CARD14: variants seen among roughly 807,000 people sequenced by gnomAD.
CARD14 encodes the protein caspase recruitment domain family member 14, also known as caspase recruitment domain-containing protein 14.
A neutral mutation model predicts 111.5 loss-of-function variants in CARD14; 107 were observed. The ratio of observed to expected loss-of-function variants is 0.96; its 90% confidence interval spans 0.82 to 1.13. CARD14 has a LOEUF of 1.13. Among genes scored for constraint, CARD14 ranks in the 50% most tolerant of loss-of-function variants. The probability of loss-of-function intolerance (pLI) is 0.00; values close to 1 mark genes in which losing one functional copy is unlikely to be tolerated. For missense variants in CARD14, 1,322 were observed against 1,362.3 expected (o/e 0.97, Z 0.47); for synonymous variants, 617 against 579.6 (o/e 1.06, Z -0.93).
rs1467603181 is a variant in CARD14, at chr17:80,198,133, C to A, written c.1629C>A (p.Val543=). The change falls in exon 15 of 24, where the codon GTC becomes GTA. Residue 543 remains valine (V), a synonymous_variant. Transcript: ENST00000648509. This position sits in a 1 kb window ranked among gnomAD's most constrained non-coding sequence, Gnocchi z 7.5. ...AGCTGGAAAGCAGCCTGCAGCCAGT[C>A]TCCCCTGGAAGGCTTGATGTCTCGG... ...LPQLESSLQP[V]SPGRLDVSES... 6.2e-7 allele frequency: 1 copy of A among 1,613,836 alleles called. No individual in the cohort carries two copies. The highest frequency in any genetic ancestry group is 8.5e-7 in the Non-Finnish European group (1 of 1,180,004).
Position 80,201,766 on chromosome 17 carries a change from C to T in CARD14, c.1874C>T (p.Pro625Leu). Residue 625 changes from proline (P) to leucine (L), a missense_variant, in exon 17 of 24, where the codon CCC becomes CTC. Transcript: ENST00000648509. This position sits in a 1 kb window ranked among gnomAD's most constrained non-coding sequence, Gnocchi z 5.0. The stretch of plus-strand genomic sequence containing the variant: ...CAGGTTGATTACGAAGCCTCAGAGC[C>T]CTTGTTCAAGGCAGTCCTGGAGGAC... ...IVMVDYEASE[P>L]LFKAVLEDTT... 6.2e-7 allele frequency: 1 copy of T among 1,614,058 alleles called. No individual in the cohort carries two copies. Among genetic ancestry groups the T allele is most frequent in the East Asian group, 2.2e-5 (1 of 44,872 alleles).
Position 80,189,770 on chromosome 17 carries a change from G to T in CARD14, c.861G>T (p.Leu287=). Residue 287 remains leucine, a synonymous_variant, in exon 9 of 24, where the codon CTG becomes CTT. Transcript: ENST00000648509. The surrounding 1 kb of genome is among the most constrained non-coding windows in gnomAD (Gnocchi z 4.7). Reference sequence around the variant, plus strand: ...TGCCCCAGGCGGAGAAGGACATTCTGGAGCAGAGCCTGGACGAGGCGCGGG... The same window carrying T: ...TGCCCCAGGCGGAGAAGGACATTCTTGAGCAGAGCCTGGACGAGGCGCGGG... ...LTFSLAEKDI[L]EQSLDEARGS... 6.3e-7 allele frequency: 1 copy of T among 1,584,280 alleles called. No individual in the cohort carries two copies.
At position 80,182,930 on chromosome 17, in the gene CARD14, CTCTGAGGG is replaced by C; in HGVS notation, c.349+142_349+149del. On this transcript the variant is annotated intron_variant, in intron 6 of 23. Transcript: ENST00000648509. This position sits in a 1 kb window ranked among gnomAD's most constrained non-coding sequence, Gnocchi z 4.7. ...TGCAGTTCCTGTCCCAGCCCCAGCACTCTGAGGGTGAGGAACCCCCTCACTGTATTGGG... is the reference window on the plus strand; with the variant it reads ...TGCAGTTCCTGTCCCAGCCCCAGCACTGAGGAACCCCCTCACTGTATTGGG... 9.7e-7 allele frequency: 1 copy of C among 1,028,516 alleles called. No individual in the cohort carries two copies. The highest frequency in any genetic ancestry group is 2.5e-5 in the East Asian group (1 of 40,316). 63.7% of individuals were successfully genotyped at this position (1,028,516 alleles called of 1,614,324 possible). A position where few individuals can be genotyped will look rare whatever the true frequency, so the allele number is the denominator to read the frequency against.
chr17:80,202,883 T>G, intron 18 of CARD14: 1 of 168,138 alleles, frequency 5.9e-6, no homozygotes, highest in Non-Finnish European at 1.3e-5. Context: ...AAAGCCCCAC[T>G]TGCAGGGAAG....
At chr17:80,174,745 A>C (rs1159826932) in intron 2 of CARD14, among the ~76,000 whole-genome samples, 1 of 152,076 alleles carries the variant, frequency 6.6e-6, no homozygotes, top group Non-Finnish European at 1.5e-5. Context: ...CTGGCTCAGT[A>C]CAGCCCCCTC....
At chr17:80,175,665 C>A (rs1209400386) in intron 2 of CARD14, among the ~76,000 whole-genome samples, 1 of 152,170 alleles carries the variant, frequency 6.6e-6, no homozygotes, top group African/African-American at 2.4e-5. Context: ...TGCCCGACAC[C>A]TCCAGGCAGA....
chr17:80,177,074 C>T (rs1374667159), intron 2 of CARD14, among the ~76,000 whole-genome samples: 1 of 152,194 alleles, frequency 6.6e-6, no homozygotes, highest in African/African-American at 2.4e-5. Flanking sequence ...GGGCCGCACC[C>T]CCATGAAGGC....
chr17:80,199,824 T>C (rs2040878414), intron 16 of CARD14, among the ~76,000 whole-genome samples: 2 of 151,558 alleles, frequency 1.3e-5, no homozygotes, highest in African/African-American at 2.4e-5. Context: ...TGCAGTGAGC[T>C]GAGATGGTGC....
chr17:80,199,232 C>T (rs1017348747), intron 16 of CARD14, among the ~76,000 whole-genome samples: 1 of 152,056 alleles, frequency 6.6e-6, no homozygotes, highest in Non-Finnish European at 1.5e-5. Context: ...GTGGCTCACG[C>T]CTGTAATCCC....
chr17:80,208,293 C>T lies in CARD14; in HGVS notation c.2963C>T (p.Ala988Val), dbSNP rs2041464783. ...GGCCTGCTCAGCTGTGTCCGCCAGGCCATCGCCGACGAGCAGAAGAAGGTG... is the reference window on the plus strand; with the variant it reads ...GGCCTGCTCAGCTGTGTCCGCCAGGTCATCGCCGACGAGCAGAAGAAGGTG... ...LDGLLSCVRQ[A>V]IADEQKKVVW... The change falls in exon 24 of 24, where the codon GCC becomes GTC. Residue 988 changes from alanine to valine, a missense_variant. By Grantham distance (64) the Ala-to-Val change is moderately conservative. Coordinates refer to ENST00000648509, the MANE Select transcript of CARD14 (RefSeq NM_001366385.1). The T allele has an allele frequency of 1.9e-6, 3 of 1,603,502 alleles. No individual in the cohort carries two copies. Among genetic ancestry groups the T allele is most frequent in the Non-Finnish European group, 1.7e-6 (2 of 1,176,392 alleles).
rs1352450410 is a variant in CARD14, at chr17:80,206,869, C to A, written c.2692-101C>A. On this transcript the variant is annotated intron_variant, in intron 22 of 23. Coordinates refer to ENST00000648509, the MANE Select transcript of CARD14 (RefSeq NM_001366385.1). ...CAGCTCTGCCCAGCTCCTGCCCTGC[C>A]CTCAGCCTGTCCGGAGGGCCCTTCT... 3 of 684,912 alleles carry A rather than the reference C, an allele frequency of 4.4e-6. No individual in the cohort carries two copies. The Admixed American group carries it at 8.7e-5, about 20-fold the overall frequency. The allele number at this position is 684,912 out of a possible 1,614,324, so 42.4% of individuals were successfully genotyped here. A position where few individuals can be genotyped will look rare whatever the true frequency, so the allele number is the denominator to read the frequency against.
At chr17:80,180,930 T>G (rs2040151528) in intron 4 of CARD14, among the ~76,000 whole-genome samples, 1 of 152,076 alleles carries the variant, frequency 6.6e-6, no homozygotes. Context: ...GCCTGACTAA[T>G]TTTTGTATTT....
Position 80,183,761 on chromosome 17 carries a change from TGCCCACATGCTCACCC to T in CARD14, c.350-120_350-105del, listed in dbSNP as rs751205108. The T allele has an allele frequency of 0.098, 53,338 of 541,662 alleles. 3,364 individuals are homozygous for T. Among genetic ancestry groups the T allele is most frequent in the South Asian group, 0.17 (6,462 of 39,098 alleles). The allele number at this position is 541,662 out of a possible 1,614,324, so 33.6% of individuals were successfully genotyped here. On this transcript the variant is annotated intron_variant, in intron 6 of 23. Transcript: ENST00000648509. ...ATGCCCACCCGCCCACATGCTCAGC[TGCCCACATGCTCACCC>T]GCCCACATGCTCACCCGCCCACATG...
chr17:80,174,698 C>T (rs79039794), intron 2 of CARD14, among the ~76,000 whole-genome samples: 2,342 of 152,210 alleles, frequency 0.015, 87 homozygotes, highest in East Asian at 0.11. Flanking sequence ...CAGTGGTTGC[C>T]CTGCGCTGAG....
chr17:80,182,784 T>C lies in CARD14; in HGVS notation c.343T>C (p.Phe115Leu). The change falls in exon 6 of 24, where the codon TTT becomes CTT. Residue 115 changes from phenylalanine to leucine, a missense_variant. Phe to Leu is a conservative substitution (Grantham distance 22, BLOSUM62 0). Coordinates refer to ENST00000648509, the MANE Select transcript of CARD14 (RefSeq NM_001366385.1). This position sits in a 1 kb window ranked among gnomAD's most constrained non-coding sequence, Gnocchi z 4.7. ...GCAGCCTGATGTTGACTTCAGTAAC[T>C]TTAGCGGTGAGAGCTCCGACTTTGA... ...GLQPDVDFSN[F>L]SGLMETSKLT... 6.2e-7 allele frequency: 1 copy of C among 1,614,144 alleles called. No homozygotes were observed. Among genetic ancestry groups the C allele is most frequent in the Non-Finnish European group, 8.5e-7 (1 of 1,179,998 alleles).
Position 80,190,538 on chromosome 17 carries a change from G to C in CARD14, c.964-236G>C, listed in dbSNP as rs112280056. ...TGAGGCACGAGAATCGCTTGAACCC[G>C]GGAAGCAGAGGTTGCAGCGAGCCGA... On this transcript the variant is annotated intron_variant, in intron 9 of 23. Transcript: ENST00000648509. Among the ~76,000 whole-genome samples, 7,365 of 151,672 alleles carry C rather than the reference G, an allele frequency of 0.049. 243 individuals carry two copies. Among genetic ancestry groups the C allele is most frequent in the East Asian group, 0.1 (525 of 5,146 alleles).
chr17:80,178,191 T>A (rs932252120), intron 2 of CARD14, among the ~76,000 whole-genome samples: 1 of 152,200 alleles, frequency 6.6e-6, no homozygotes, highest in African/African-American at 2.4e-5. Context: ...CAGAAGGGTA[T>A]GAGTGGCCTG....
At position 80,198,166 on chromosome 17, in the gene CARD14, A is replaced by G; in HGVS notation, c.1658+4A>G. 1 of 1,613,754 alleles carries G rather than the reference A, an allele frequency of 6.2e-7. No homozygotes were observed. The highest frequency in any genetic ancestry group is 8.5e-7 in the Non-Finnish European group (1 of 1,179,936). The stretch of plus-strand genomic sequence containing the variant: ...GAAGGCTTGATGTCTCGGAGAGGTA[A>G]GCAGCAGGTGGGAATCCTCCGAGGC... On this transcript the variant is annotated splice_donor_region_variant and intron_variant, in intron 15 of 23. Transcript: ENST00000648509. This position sits in a 1 kb window ranked among gnomAD's most constrained non-coding sequence, Gnocchi z 7.5.
chr17:80,198,465 G>A lies in CARD14; in HGVS notation c.1725G>A (p.Gln575=), dbSNP rs760465263. Residue 575 remains glutamine, a synonymous_variant, in exon 16 of 24, where the codon CAG becomes CAA. Transcript: ENST00000648509. The surrounding 1 kb of genome is among the most constrained non-coding windows in gnomAD (Gnocchi z 7.5). ...ILSQVTMLAF[Q]GDALLEQISV... is the part of the protein sequence containing the mutation. ...GCCAGGTCACCATGCTGGCGTTCCA[G>A]GGGGATGCATTGCTGGAGCAGATCA... 2 of 1,612,806 alleles carry A rather than the reference G, an allele frequency of 1.2e-6. No homozygotes were observed. Among genetic ancestry groups the A allele is most frequent in the Admixed American group, 1.7e-5 (1 of 60,014 alleles).
Sources: allele counts gnomAD v4.1 joint callset (sites outside exome capture counted in the v4.1 genomes callset), GRCh38; gene constraint gnomAD v4.1.1; non-coding constraint Gnocchi (gnomAD v3.1); transcripts MANE v1.5; gene names NCBI Gene and HGNC (gene_info 2026-07-23, HGNC 2026-07-21).